Variants in KLHL3 observed in about 807,000 individuals in gnomAD.
KLHL3 encodes kelch like family member 3, also known as kelch-like protein 3.
In KLHL3, 19 loss-of-function variants were observed where a neutral mutation model predicts 70.5. The observed-to-expected ratio is 0.27, with a 90% confidence interval of 0.19 to 0.40. The LOEUF (loss-of-function observed/expected upper bound fraction) is 0.40. Ranked by LOEUF, KLHL3 falls within the 10% of genes least tolerant of loss-of-function variation. The pLI is 1.00. For missense variants in KLHL3, 512 were observed against 771.1 expected (o/e 0.66, Z 3.98); for synonymous variants, 258 against 290.3 (o/e 0.89, Z 1.13).
chr5:137,657,619 G>A (rs924768914), intron 8 of KLHL3, among the ~76,000 whole-genome samples: 10 of 151,738 alleles, frequency 6.6e-5, no homozygotes, highest in Non-Finnish European at 1.5e-4. Context: ...CCTCTGCTTC[G>A]TGACCTGTCA....
rs1191358263 is a variant in KLHL3, at chr5:137,628,298, T to C, written c.1590A>G (p.Ala530=). 6.2e-7 allele frequency: 1 copy of C among 1,614,174 alleles called. No homozygotes were observed. Among genetic ancestry groups the C allele is most frequent in the South Asian group, 1.1e-5 (1 of 91,078 alleles). ...VADMNMCRRN[A]GVCAVNGLLY... ...GGAGATGGAGAGAGCAGTCATTACCTGCGTTGCGCCGGCACATGTTCATGT... is the reference window on the plus strand; with the variant it reads ...GGAGATGGAGAGAGCAGTCATTACCCGCGTTGCGCCGGCACATGTTCATGT... The change falls in exon 13 of 15, where the codon GCA becomes GCG. Residue 530 remains alanine (A), a splice_region_variant and synonymous_variant. Transcript: ENST00000309755.
At chr5:137,628,724 GACAGACAGACATACATACAT>G (rs200757152) in intron 12 of KLHL3, 11,609 of 64,364 alleles carry the variant, frequency 0.18, 1,385 homozygotes, top group African/African-American at 0.4. Flanking sequence ...CACACACACA[GACAGACAGACATACATACAT>G]ACATACATAC....
intron 3 of KLHL3, 27 bp downstream of exon 3, chr5:137,709,723 T>C: frequency 1.3e-6 from 2 of 1,544,440 alleles, no homozygotes; most frequent in Non-Finnish European, 1.8e-6. Flanking sequence ...CCCATAACCA[T>C]GGGTTAATGG....
chr5:137,647,524 T>A (rs1375301267), intron 8 of KLHL3: 7 of 471,824 alleles, frequency 1.5e-5, no homozygotes, highest in Non-Finnish European at 2.6e-5. Flanking sequence ...AAGAGTAGAA[T>A]GCATGTCCAA....
chr5:137,722,858 G>A (rs554076767), intron 1 of KLHL3, among the ~76,000 whole-genome samples: 1 of 152,072 alleles, frequency 6.6e-6, no homozygotes, highest in African/African-American at 2.4e-5. Context: ...GTAGAAATGG[G>A]GAGTTTCACC....
At chr5:137,663,115 T>C (rs2149898690) in intron 6 of KLHL3, among the ~76,000 whole-genome samples, 1 of 142,140 alleles carries the variant, frequency 7.0e-6, no homozygotes, top group East Asian at 2.1e-4. Flanking sequence ...TGGAGTGCAG[T>C]GGCACGATCT....
At chr5:137,699,737 A>T (rs1252175805) in intron 3 of KLHL3, among the ~76,000 whole-genome samples, 3 of 152,220 alleles carry the variant, frequency 2.0e-5, no homozygotes, top group Non-Finnish European at 4.4e-5. Context: ...ACTGAAATAA[A>T]GGGCAACCTA....
intron 5 of KLHL3, among the ~76,000 whole-genome samples, chr5:137,690,781 A>G (rs554070305): frequency 2.6e-5 from 4 of 152,174 alleles, no homozygotes; most frequent in Non-Finnish European, 5.9e-5. Context: ...CAGCACAGGT[A>G]GCTAGCTGGC....
At chr5:137,641,925 G>A (rs1406308250) in intron 8 of KLHL3, among the ~76,000 whole-genome samples, 2 of 152,160 alleles carry the variant, frequency 1.3e-5, no homozygotes, top group Non-Finnish European at 2.9e-5. Flanking sequence ...AGCTCAGAGG[G>A]TCCACTGCTC....
intron 4 of KLHL3, among the ~76,000 whole-genome samples, chr5:137,696,081 T>C (rs1036681264): frequency 1.3e-5 from 2 of 152,258 alleles, no homozygotes; most frequent in African/African-American, 4.8e-5. Context: ...TTTGTTTTTT[T>C]TTCTTCCTCA....
intron 8 of KLHL3, among the ~76,000 whole-genome samples, chr5:137,649,369 C>G (rs1283287780): frequency 2.0e-5 from 3 of 152,226 alleles, no homozygotes; most frequent in Non-Finnish European, 4.4e-5. Context: ...ATCACCCTCT[C>G]TGGAAGAAAG....
At chr5:137,720,334 C>T in intron 2 of KLHL3, 131 bp downstream of exon 2, 1 of 1,063,504 alleles carries the variant, frequency 9.4e-7, no homozygotes. Flanking sequence ...AAGGGGAACT[C>T]AAGTGACTAA....
chr5:137,706,145 G>A (rs893355281), intron 3 of KLHL3: 1 of 985,280 alleles, frequency 1.0e-6, no homozygotes, highest in Non-Finnish European at 1.2e-6. Flanking sequence ...TGGGCAACAT[G>A]AACTCGGAAG....
chr5:137,682,298 G>A (rs2149910376), intron 5 of KLHL3, among the ~76,000 whole-genome samples: 1 of 151,956 alleles, frequency 6.6e-6, no homozygotes. Flanking sequence ...ATTCTGATGA[G>A]TATCTTAGGT....
intron 1 of KLHL3, among the ~76,000 whole-genome samples, chr5:137,733,075 C>T (rs1017949579): frequency 6.6e-6 from 1 of 152,170 alleles, no homozygotes; most frequent in African/African-American, 2.4e-5. Context: ...TTAAAAACAG[C>T]CCCGATTAAG....
At chr5:137,696,794 G>A (rs1412055970) in intron 4 of KLHL3, among the ~76,000 whole-genome samples, 1 of 152,114 alleles carries the variant, frequency 6.6e-6, no homozygotes, top group Admixed American at 6.5e-5. Context: ...TATTGGTATG[G>A]TCCAATGGGT....
chr5:137,732,758 C>G (rs1220559169), intron 1 of KLHL3, among the ~76,000 whole-genome samples: 1 of 152,170 alleles, frequency 6.6e-6, no homozygotes, highest in Non-Finnish European at 1.5e-5. Context: ...TGAGTACTCA[C>G]TCTGTGCCTA....
chr5:137,676,407 T>A (rs1473397779), intron 6 of KLHL3, among the ~76,000 whole-genome samples: 2 of 152,214 alleles, frequency 1.3e-5, no homozygotes, highest in African/African-American at 4.8e-5. Context: ...TTATTGAGCA[T>A]CTCTGAAGAT....
chr5:137,720,562 G>A lies in KLHL3; in HGVS notation c.37C>T (p.Leu13=). ...TTCTCATCATCCCCAGCCTGTATCA[G>A]AGTCTGGGAGCTCAGCTTGACACTG... ...GESVKLSSQT[L]IQAGDDEKNQ... Residue 13 remains leucine, a synonymous_variant, in exon 2 of 15, where the codon CTG becomes TTG. Transcript: ENST00000309755. The A allele has an allele frequency of 1.9e-6, 3 of 1,614,138 alleles. No individual in the cohort carries two copies. The highest frequency in any genetic ancestry group is 2.5e-6 in the Non-Finnish European group (3 of 1,180,010).
Sources: allele counts gnomAD v4.1 joint callset (sites outside exome capture counted in the v4.1 genomes callset), GRCh38; gene constraint gnomAD v4.1.1; transcripts MANE v1.5; gene names NCBI Gene and HGNC (gene_info 2026-07-23, HGNC 2026-07-21).